Variants in THSD4 observed in about 807,000 individuals in gnomAD.
THSD4 encodes the protein thrombospondin type-1 domain-containing protein 4.
THSD4 carries 69 observed loss-of-function variants against 119.0 expected under a neutral mutation model. That is an observed-to-expected ratio of 0.58 (90% CI 0.48 to 0.71). The LOEUF (loss-of-function observed/expected upper bound fraction) is 0.71, where lower values mean the gene tolerates loss of function less well. Ranked by LOEUF, THSD4 falls within the 30% of genes least tolerant of loss-of-function variation. The pLI, the probability that THSD4 is intolerant of heterozygous loss-of-function variation, is 0.00. For synonymous variants in THSD4, 524 were observed against 540.4 expected (o/e 0.97, Z 0.42); for missense variants, 1,393 against 1,391.1 (o/e 1.00, Z -0.02).
intron 6 of THSD4, among the ~76,000 whole-genome samples, chr15:71,394,094 C>A (rs531075996): frequency 1.1e-5 from 1 of 92,226 alleles, no homozygotes; most frequent in African/African-American, 3.3e-5. Context: ...TTTTTTTTAC[C>A]ATATTTAGTA....
chr15:71,567,867 A>G (rs191220559), intron 7 of THSD4, among the ~76,000 whole-genome samples: 18 of 152,120 alleles, frequency 1.2e-4, no homozygotes, highest in East Asian at 3.9e-4. Flanking sequence ...GATTTTGTCC[A>G]TTTGGAAGCT....
intron 7 of THSD4, among the ~76,000 whole-genome samples, chr15:71,486,135 A>G (rs1226835647): frequency 6.6e-6 from 1 of 151,784 alleles, no homozygotes; most frequent in Non-Finnish European, 1.5e-5. Context: ...GCACCCTTAC[A>G]CACCCTCCCC....
chr15:71,368,672 G>C (rs2046001408), intron 6 of THSD4, among the ~76,000 whole-genome samples: 2 of 152,176 alleles, frequency 1.3e-5, no homozygotes, highest in African/African-American at 4.8e-5. Flanking sequence ...GTACCATGCT[G>C]TTTTGGTTAC....
Position 71,311,056 on chromosome 15 carries a change from G to A in THSD4, c.1015+54341G>A, listed in dbSNP as rs189393814. Among the ~76,000 whole-genome samples, 6 of 152,318 alleles carry A rather than the reference G, an allele frequency of 3.9e-5. No homozygotes were observed. The East Asian group carries it at 1.2e-3, about 29-fold the overall frequency. On this transcript the variant is annotated intron_variant, in intron 6 of 17. Transcript: ENST00000261862. ...TGACAGAAGTGGATTAAAAGTGGCTGTGCTCCACACAGTCCTCAGGGCCTG... is the reference window on the plus strand; with the variant it reads ...TGACAGAAGTGGATTAAAAGTGGCTATGCTCCACACAGTCCTCAGGGCCTG...
chr15:71,187,627 G>A (rs1171036041), intron 3 of THSD4: 2 of 152,636 alleles, frequency 1.3e-5, no homozygotes, highest in Non-Finnish European at 2.9e-5. Flanking sequence ...AGCTGACCAT[G>A]AGTAGATATT....
intron 8 of THSD4, among the ~76,000 whole-genome samples, chr15:71,675,763 G>C (rs184697399): frequency 2.0e-4 from 31 of 152,252 alleles, no homozygotes; most frequent in Middle Eastern, 3.4e-3. Context: ...ATTTGTGAGG[G>C]GTGGAGTCAG....
intron 7 of THSD4, among the ~76,000 whole-genome samples, chr15:71,483,548 A>G (rs35033758): frequency 0.2 from 30,647 of 152,004 alleles, 3,236 homozygotes; most frequent in South Asian, 0.38. Context: ...GAACTTCCAC[A>G]GCCTTCGTTC....
intron 7 of THSD4, among the ~76,000 whole-genome samples, chr15:71,483,551 C>T (rs2047766863): frequency 1.3e-5 from 2 of 151,902 alleles, no homozygotes; most frequent in South Asian, 4.2e-4. Flanking sequence ...CTTCCACAGC[C>T]TTCGTTCTTT....
intron 7 of THSD4, among the ~76,000 whole-genome samples, chr15:71,530,648 A>C (rs1410130088): frequency 1.3e-5 from 2 of 152,128 alleles, no homozygotes. Context: ...TTTAGAAAGG[A>C]TCTGTCCTCC....
chr15:71,650,476 G>C (rs1427538703), intron 7 of THSD4, among the ~76,000 whole-genome samples: 1 of 152,060 alleles, frequency 6.6e-6, no homozygotes, highest in Non-Finnish European at 1.5e-5. Flanking sequence ...GAGTAACAGG[G>C]GGCCAGAGAA....
chr15:71,519,608 C>T (rs184942107), intron 7 of THSD4, among the ~76,000 whole-genome samples: 34 of 152,294 alleles, frequency 2.2e-4, no homozygotes, highest in African/African-American at 7.2e-4. Flanking sequence ...GTGATCCAAC[C>T]GCCTTGGCCT....
rs200092978 is a variant in THSD4, at chr15:71,416,711, A to ATTTTG, written c.1152+4923_1152+4927dup. 1.3e-3 allele frequency among the ~76,000 whole-genome samples: 118 copies of ATTTTG among 87,772 alleles called. 29 individuals are homozygous for ATTTTG. The highest frequency in any genetic ancestry group is 4.5e-3 in the African/African-American group (112 of 24,942). 57.6% of individuals were successfully genotyped at this position (87,772 alleles called of 152,430 possible). ...ATTTTGTTTCATTTTATTTTATTTTATTTTGTTTTGTTTTGTTTTGTTTTG... is the reference window on the plus strand; with the variant it reads ...ATTTTGTTTCATTTTATTTTATTTTATTTTGTTTTGTTTTGTTTTGTTTTGTTTTG... On this transcript the variant is annotated intron_variant, in intron 7 of 17. Coordinates refer to ENST00000261862, the MANE Select transcript of THSD4 (RefSeq NM_024817.3).
chr15:71,773,729 G>A lies in THSD4; in HGVS notation c.2914+2521G>A, dbSNP rs141462201. ...GATAGCAAGAATCTGTGTAGGCTCT[G>A]AAGGAAAAGAAGGCTCAAGTGCACA... On this transcript the variant is annotated intron_variant, in intron 17 of 17. Transcript: ENST00000261862. 4.9e-3 allele frequency among the ~76,000 whole-genome samples: 743 copies of A among 152,318 alleles called. 9 individuals carry two copies. The highest frequency in any genetic ancestry group is 0.017 in the African/African-American group (723 of 41,572).
At position 71,613,954 on chromosome 15, in the gene THSD4, C is replaced by A. The variant is rs75294882; in HGVS notation, c.1153-46576C>A. On this transcript the variant is annotated intron_variant, in intron 7 of 17. Transcript: ENST00000261862. ...CTAGACCATAAACTCAATAAATAGA[C>A]CCTTTTCTCTATCCTCGTAATACAA... Among the ~76,000 whole-genome samples the A allele has an allele frequency of 2.0e-5, 3 of 152,110 alleles. No homozygotes were observed. In the East Asian group the frequency reaches 5.8e-4, roughly 29 times the overall value.
Position 71,748,425 on chromosome 15 carries a change from C to G in THSD4, c.2246C>G (p.Ser749Trp), listed in dbSNP as rs567876615. 3.7e-5 allele frequency: 60 copies of G among 1,613,912 alleles called. No individual in the cohort carries two copies. The highest frequency in any genetic ancestry group is 6.7e-5 in the Admixed American group (4 of 59,994). ...WQIRTDWTSC[S>W]VPCGVGQRTR... is the part of the protein sequence containing the mutation. ...CGTCAGTGTGCTGTGTTTCAGTGCT[C>G]GGTGCCCTGCGGCGTGGGACAGAGG... The change falls in exon 14 of 18, where the codon TCG becomes TGG. Residue 749 changes from serine (S) to tryptophan (W), a missense_variant. By Grantham distance (177) the Ser-to-Trp change is radical. Coordinates refer to ENST00000261862, the MANE Select transcript of THSD4 (RefSeq NM_024817.3).
intron 6 of THSD4, among the ~76,000 whole-genome samples, chr15:71,406,952 G>A (rs2046617761): frequency 6.6e-6 from 1 of 151,950 alleles, no homozygotes; most frequent in African/African-American, 2.4e-5. Context: ...CTAAAGTGTT[G>A]GGATTACATG....
chr15:71,584,275 T>C (rs1257099199), intron 7 of THSD4, among the ~76,000 whole-genome samples: 2 of 139,546 alleles, frequency 1.4e-5, no homozygotes, highest in East Asian at 4.1e-4. Context: ...TTTTTTTTTT[T>C]TTTTTTTTTT....
At position 71,232,229 on chromosome 15, in the gene THSD4, C is replaced by G. The variant is rs77621343; in HGVS notation, c.465-10420C>G. ...TTCCCACCCAGATGTGTGGGGCTGC[C>G]TTGACTTCTTGCATATGGAAACTCC... On this transcript the variant is annotated intron_variant, in intron 4 of 17. Transcript: ENST00000261862. Among the ~76,000 whole-genome samples, 314 of 152,280 alleles carry G rather than the reference C, an allele frequency of 2.1e-3. 5 individuals are homozygous for G. In the East Asian group the frequency reaches 0.053, roughly 26 times the overall value.
At chr15:71,746,739 A>T in intron 12 of THSD4, 99 bp from the exon 13 acceptor site, 2 of 1,285,432 alleles carry the variant, frequency 1.6e-6, no homozygotes, top group Non-Finnish European at 2.2e-6. Flanking sequence ...CTCTACCCAT[A>T]GTGATTCTGA....
Sources: allele counts gnomAD v4.1 joint callset (sites outside exome capture counted in the v4.1 genomes callset), GRCh38; gene constraint gnomAD v4.1.1; transcripts MANE v1.5; gene names NCBI Gene and HGNC (gene_info 2026-07-23, HGNC 2026-07-21).